The following YIF1A variants were observed in gnomAD, a reference collection of about 807,000 sequenced individuals.
YIF1A encodes protein YIF1A.
A neutral mutation model predicts 32.6 loss-of-function variants in YIF1A; 28 were observed. The ratio of observed to expected loss-of-function variants is 0.86; its 90% confidence interval spans 0.64 to 1.18. The LOEUF is 1.18. Ranked by LOEUF, YIF1A falls within the 50% of genes most tolerant of loss-of-function variation. The pLI, the probability that YIF1A is intolerant of heterozygous loss-of-function variation, is 0.00. For synonymous variants in YIF1A, 175 were observed against 162.2 expected (o/e 1.08, Z -0.60); for missense variants, 373 against 390.8 (o/e 0.95, Z 0.38).
At chr11:66,286,426 G>T (rs889779642) in intron 4 of YIF1A, among the ~76,000 whole-genome samples, 2 of 152,214 alleles carry the variant, frequency 1.3e-5, no homozygotes, top group African/African-American at 4.8e-5. Flanking sequence ...AGACCAGCCT[G>T]GGCAACATGG....
chr11:66,285,670 GGGGAGGGTAA>G (rs1348473104), intron 5 of YIF1A, 21 bp downstream of exon 5: 2 of 1,612,824 alleles, frequency 1.2e-6, no homozygotes, highest in African/African-American at 2.7e-5. Flanking sequence ...CTCACAGGGA[GGGGAGGGTAA>G]GGGAGGGGCT....
At chr11:66,287,113 G>C (rs958045602) in intron 4 of YIF1A, 1 of 162,276 alleles carries the variant, frequency 6.2e-6, no homozygotes, top group African/African-American at 2.4e-5. Context: ...AGGGATAACA[G>C]AGCACGCCTT....
rs879911659 is a variant in YIF1A, at chr11:66,289,113, C to G, written c.-128G>C. The stretch of plus-strand genomic sequence containing the variant: ...CGGCCGCGCGACACGTCCCCCACCC[C>G]GCCGGTCTCGGCCACCATGTCCGTG... On this transcript the variant is annotated 5_prime_UTR_variant, in exon 1 of 8. Transcript: ENST00000376901. The G allele has an allele frequency of 2.9e-5, 39 of 1,326,106 alleles. No individual in the cohort carries two copies. The highest frequency in any genetic ancestry group is 4.6e-5 in the African/African-American group (3 of 64,522). The allele number at this position is 1,326,106 out of a possible 1,614,324, so 82.1% of individuals were successfully genotyped here.
Position 66,287,676 on chromosome 11 carries a change from T to C in YIF1A, c.349A>G (p.Asn117Asp). The change falls in exon 4 of 8, where the codon AAC (asparagine) becomes GAC (aspartate). Residue 117 changes from asparagine to aspartate, a missense_variant and splice_region_variant. By Grantham distance (23) the Asn-to-Asp change is conservative. Coordinates refer to ENST00000376901, the MANE Select transcript of YIF1A (RefSeq NM_020470.3). ...GLLVFPYTHQ[N>D]WEVQYSRDAP... is the part of the protein sequence containing the mutation. ...TCACGACTGTACTGCACTTCCCAGTTCTGGCAGTGGCAGTGGCAGCAGCGG... is the reference window on the plus strand; with the variant it reads ...TCACGACTGTACTGCACTTCCCAGTCCTGGCAGTGGCAGTGGCAGCAGCGG... 6.2e-7 allele frequency: 1 copy of C among 1,612,768 alleles called. No homozygotes were observed. The highest frequency in any genetic ancestry group is 8.5e-7 in the Non-Finnish European group (1 of 1,179,314).
chr11:66,287,730 A>T lies in YIF1A; in HGVS notation c.349-54T>A, dbSNP rs753017889. On this transcript the variant is annotated intron_variant, in intron 3 of 7. Transcript: ENST00000376901. ...CATCAGGAGGGGAAGAAGAGAAAAG[A>T]GGAGAGAAGGGGGTTGAGGTCTGGG... 4 of 1,609,672 alleles carry T rather than the reference A, an allele frequency of 2.5e-6. No individual in the cohort carries two copies. The African/African-American group carries it at 5.3e-5, about 22-fold the overall frequency.
rs374936892 is a variant in YIF1A, at chr11:66,284,856, G to C, written c.735+17C>G. On this transcript the variant is annotated intron_variant, in intron 7 of 7. Transcript: ENST00000376901. Reference sequence around the variant, plus strand: ...CTCAAGTGAAGGCAGGGGAATGGGGGGGTGCACCAGACTCACAATGAAGTA... The same window carrying C: ...CTCAAGTGAAGGCAGGGGAATGGGGCGGTGCACCAGACTCACAATGAAGTA... 1.0e-4 allele frequency: 166 copies of C among 1,612,870 alleles called. No homozygotes were observed. The highest frequency in any genetic ancestry group is 5.0e-4 in the Admixed American group (30 of 59,984).
chr11:66,285,838 T>C (rs2134887378), intron 4 of YIF1A, 80 bp from the exon 5 acceptor site: 1 of 1,480,184 alleles, frequency 6.8e-7, no homozygotes, highest in Non-Finnish European at 9.3e-7. Flanking sequence ...TTCACCGACA[T>C]GTCCCATACT....
intron 2 of YIF1A, 43 bp from the exon 3 acceptor site, chr11:66,287,959 G>C (rs1857387509): frequency 6.2e-7 from 1 of 1,606,532 alleles, no homozygotes; most frequent in Admixed American, 1.7e-5. Context: ...CGCACCCCAG[G>C]CCTCAGGGTG....
intron 5 of YIF1A, 44 bp from the exon 6 acceptor site, chr11:66,285,580 A>G (rs748928771): frequency 6.2e-7 from 1 of 1,612,054 alleles, no homozygotes. Context: ...ATCCTGAGGC[A>G]GGGGTGAGGA....
At position 66,284,733 on chromosome 11, in the gene YIF1A, G is replaced by A. The variant is rs769457052; in HGVS notation, c.786C>T (p.Pro262=). 82 of 1,612,042 alleles carry A rather than the reference G, an allele frequency of 5.1e-5. No homozygotes were observed. The highest frequency in any genetic ancestry group is 6.6e-5 in the South Asian group (6 of 91,074). The change falls in exon 8 of 8, where the codon CCC becomes CCT. Residue 262 remains proline (P), a synonymous_variant. Coordinates refer to ENST00000376901, the MANE Select transcript of YIF1A (RefSeq NM_020470.3). ...AGAGCTGGAGACGCTGCCGGGGGAC[G>A]GGGCCCCCCATGCTGTCGGGGCCCA... ...AALGPDSMGG[P]VPRQRLQLYL...
intron 4 of YIF1A, chr11:66,287,390 T>C: frequency 1.6e-6 from 1 of 610,838 alleles, no homozygotes; most frequent in South Asian, 1.9e-5. Flanking sequence ...CAAAAGGGTG[T>C]CCTGGGGACA....
At chr11:66,288,433 G>T in intron 1 of YIF1A, 141 bp from the exon 2 acceptor site, 4 of 912,830 alleles carry the variant, frequency 4.4e-6, no homozygotes, top group South Asian at 3.2e-5. Flanking sequence ...GTGAGGGGGA[G>T]CTAACTGAGA....
chr11:66,287,307 T>C (rs116184734), intron 4 of YIF1A: 222 of 449,664 alleles, frequency 4.9e-4, no homozygotes, highest in African/African-American at 3.8e-3. Context: ...AGCTGGAGTC[T>C]GCAAAGCCAG....
At position 66,289,000 on chromosome 11, in the gene YIF1A, C is replaced by T. The variant is rs571754609; in HGVS notation, c.-15G>A. On this transcript the variant is annotated 5_prime_UTR_variant, in exon 1 of 8. Transcript: ENST00000376901. ...TGATAAGCCATGGCCGCGACGCTCGCTGTCCCCGAGGGCCCGCTGCGCCGC... is the reference window on the plus strand; with the variant it reads ...TGATAAGCCATGGCCGCGACGCTCGTTGTCCCCGAGGGCCCGCTGCGCCGC... 8 of 1,579,116 alleles carry T rather than the reference C, an allele frequency of 5.1e-6. No homozygotes were observed. In the South Asian group the frequency reaches 9.1e-5, roughly 18 times the overall value.
At chr11:66,287,308 G>A in intron 4 of YIF1A, 1 of 448,360 alleles carries the variant, frequency 2.2e-6, no homozygotes, top group Non-Finnish European at 4.1e-6. Flanking sequence ...GCTGGAGTCT[G>A]CAAAGCCAGG....
At position 66,285,903 on chromosome 11, in the gene YIF1A, C is replaced by A. The variant is rs1293234090; in HGVS notation, c.428-145G>T. 1.1e-5 allele frequency: 10 copies of A among 921,840 alleles called. No individual in the cohort carries two copies. The Admixed American group carries it at 1.1e-4, about 10-fold the overall frequency. The allele number at this position is 921,840 out of a possible 1,614,324, so 57.1% of individuals were successfully genotyped here. A position where few individuals can be genotyped will look rare whatever the true frequency, so the allele number is the denominator to read the frequency against. ...ACCTCCACATTCTGCTTCCAAATGC[C>A]CTGCCTGGAATGCCTGTCTCCGATC... On this transcript the variant is annotated intron_variant, in intron 4 of 7. Coordinates refer to ENST00000376901, the MANE Select transcript of YIF1A (RefSeq NM_020470.3).
chr11:66,284,818 G>A, intron 7 of YIF1A, 35 bp from the exon 8 acceptor site: 2 of 1,612,030 alleles, frequency 1.2e-6, no homozygotes, highest in Non-Finnish European at 8.5e-7. Flanking sequence ...TGGCCAGGAG[G>A]GGGAGGTTTG....
In YIF1A at chr11:66,284,855, G is replaced by C. The variant is rs1317268397; in HGVS notation, c.735+18C>G. The C allele has an allele frequency of 9.3e-6, 15 of 1,612,880 alleles. No homozygotes were observed. The highest frequency in any genetic ancestry group is 1.3e-5 in the African/African-American group (1 of 74,896). On this transcript the variant is annotated intron_variant, in intron 7 of 7. Coordinates refer to ENST00000376901, the MANE Select transcript of YIF1A (RefSeq NM_020470.3). ...CCTCAAGTGAAGGCAGGGGAATGGG[G>C]GGGTGCACCAGACTCACAATGAAGT... is the stretch of plus-strand genomic sequence containing the variant.
rs570757759 is a variant in YIF1A, at chr11:66,285,433, T to C, written c.589A>G (p.Ser197Gly). 3 of 1,613,424 alleles carry C rather than the reference T, an allele frequency of 1.9e-6. No homozygotes were observed. Among genetic ancestry groups the C allele is most frequent in the Admixed American group, 1.7e-5 (1 of 60,032 alleles). The change falls in exon 6 of 8, where the codon AGT (serine) becomes GGT (glycine). Residue 197 changes from serine to glycine, a missense_variant. Coordinates refer to ENST00000376901, the MANE Select transcript of YIF1A (RefSeq NM_020470.3). ...AGCAGGTGAAAGGTGCTCAGGTCAC[T>C]GCGCACGGTGGCCAGGTAGAGGCCC... is the stretch of plus-strand genomic sequence containing the variant. ...LLGLYLATVR[S>G]DLSTFHLLAY...
Sources: gnomAD v4.1 joint callset for allele counts (sites outside exome capture counted in the v4.1 genomes callset) on GRCh38, gnomAD v4.1.1 for gene constraint, MANE v1.5 for transcripts, NCBI Gene and HGNC (gene_info 2026-07-23, HGNC 2026-07-21) for gene names.